Variants in MPDZ observed in about 807,000 individuals in gnomAD.
MPDZ encodes multiple PDZ domain crumbs cell polarity complex component, also known as multiple PDZ domain protein.
MPDZ carries 234 observed loss-of-function variants against 239.1 expected under a neutral mutation model. That is an observed-to-expected ratio of 0.98 (90% CI 0.88 to 1.09). The LOEUF (loss-of-function observed/expected upper bound fraction) is 1.09, where lower values mean the gene tolerates loss of function less well. Among genes scored for constraint, MPDZ ranks in the 50% least tolerant of loss-of-function variants. The pLI is 0.00. For synonymous variants in MPDZ, 1,048 were observed against 881.3 expected, an observed-to-expected ratio of 1.19 and a Z score of -3.35; for missense variants, 3,175 against 2,510.0, an observed-to-expected ratio of 1.26 and a Z score of -5.66.
intron 16 of MPDZ, among the ~76,000 whole-genome samples, chr9:13,189,547 G>A (rs558604143): frequency 1.3e-5 from 2 of 152,128 alleles, no homozygotes; most frequent in South Asian, 4.2e-4. Context: ...CAACTTCCTG[G>A]AGTCATCCAA....
intron 26 of MPDZ, among the ~76,000 whole-genome samples, chr9:13,144,469 C>T (rs970052330): frequency 2.6e-5 from 4 of 151,900 alleles, no homozygotes; most frequent in African/African-American, 7.3e-5. Context: ...TTTTCACACC[C>T]GCTATCTTTT....
chr9:13,265,851 C>G (rs1971684638), intron 1 of MPDZ, among the ~76,000 whole-genome samples: 1 of 152,094 alleles, frequency 6.6e-6, no homozygotes, highest in Non-Finnish European at 1.5e-5. Context: ...ATTTCCAATA[C>G]AGACAAAACT....
At chr9:13,278,137 G>A (rs1212718009) in intron 1 of MPDZ, among the ~76,000 whole-genome samples, 4 of 152,164 alleles carry the variant, frequency 2.6e-5, no homozygotes, top group African/African-American at 9.6e-5. Context: ...TGTCTACAAG[G>A]CAGGACGAGG....
chr9:13,147,489 T>C (rs1252210140), intron 26 of MPDZ, 59 bp downstream of exon 26: 1 of 1,315,034 alleles, frequency 7.6e-7, no homozygotes, highest in Non-Finnish European at 1.1e-6. Flanking sequence ...CCTTGATACA[T>C]TAGATTCCAA....
chr9:13,143,336 CTTTG>C (rs1280350622), intron 27 of MPDZ, 126 bp downstream of exon 27: 2 of 681,850 alleles, frequency 2.9e-6, no homozygotes, highest in Non-Finnish European at 2.5e-6. Context: ...CTCCAAACAG[CTTTG>C]TTTTTTTGTT....
At position 13,221,423 on chromosome 9, in the gene MPDZ, T is replaced by C. The variant is rs1959080398; in HGVS notation, c.825A>G (p.Lys275=). Residue 275 remains lysine, a synonymous_variant, in exon 7 of 47, where the codon AAA becomes AAG. Transcript: ENST00000319217. ...SGLGFGIIGG[K]ATGVIVKTIL... is the part of the protein sequence containing the mutation. The stretch of plus-strand genomic sequence containing the variant: ...TGGTTTTTACTATCACACCAGTTGC[T>C]TTTCCTCCTATGATGCCAAATCCCA... 5 of 1,611,380 alleles carry C rather than the reference T, an allele frequency of 3.1e-6. No homozygotes were observed. The highest frequency in any genetic ancestry group is 4.2e-6 in the Non-Finnish European group (5 of 1,178,362).
chr9:13,238,561 CAT>C (rs1337283195), intron 3 of MPDZ, among the ~76,000 whole-genome samples: 1 of 152,156 alleles, frequency 6.6e-6, no homozygotes, highest in Non-Finnish European at 1.5e-5. Flanking sequence ...AACCCACCCA[CAT>C]GTGTCCGTGT....
At chr9:13,156,343 G>A (rs1364070602) in intron 24 of MPDZ, among the ~76,000 whole-genome samples, 1 of 152,158 alleles carries the variant, frequency 6.6e-6, no homozygotes, top group East Asian at 1.9e-4. Flanking sequence ...TCATGCTGCT[G>A]ATAAAGAAAT....
intron 43 of MPDZ, 114 bp downstream of exon 43, chr9:13,111,910 A>G (rs1270941150): frequency 1.2e-5 from 12 of 1,031,418 alleles, no homozygotes; most frequent in Non-Finnish European, 1.6e-5. Context: ...TAGATGATTT[A>G]AAAGTAAATA....
Position 13,112,036 on chromosome 9 carries a change from G to C in MPDZ, c.5712C>G (p.Thr1904=), listed in dbSNP as rs751143732. 1.2e-6 allele frequency: 2 copies of C among 1,613,250 alleles called. No individual in the cohort carries two copies. Among genetic ancestry groups the C allele is most frequent in the Non-Finnish European group, 1.7e-6 (2 of 1,179,518 alleles). Reference sequence around the variant, plus strand: ...TAGTACGACTCACTCTGAGTTTTTGGGTCTGTGCTGCAACTCCAGTTGGGT... The same window carrying C: ...TAGTACGACTCACTCTGAGTTTTTGCGTCTGTGCTGCAACTCCAGTTGGGT... The part of the protein sequence containing the change: ...MMHPTGVAAQ[T]QKLRVGDRIV... The change falls in exon 43 of 47, where the codon ACC becomes ACG. Residue 1904 remains threonine, a synonymous_variant. Coordinates refer to ENST00000319217, the MANE Select transcript of MPDZ (RefSeq NM_001378778.1).
intron 19 of MPDZ, among the ~76,000 whole-genome samples, chr9:13,177,864 T>C (rs1952712557): frequency 6.6e-6 from 1 of 152,184 alleles, no homozygotes; most frequent in Non-Finnish European, 1.5e-5. Context: ...TGCCCAATAA[T>C]TGTTAGCTAC....
chr9:13,275,020 C>G (rs73408267), intron 1 of MPDZ, among the ~76,000 whole-genome samples: 58 of 152,322 alleles, frequency 3.8e-4, no homozygotes, highest in African/African-American at 1.4e-3. Context: ...GGCCTCAGGC[C>G]AAAGATAAAA....
chr9:13,249,792 G>A (rs1321910439), intron 2 of MPDZ, among the ~76,000 whole-genome samples: 2 of 152,150 alleles, frequency 1.3e-5, no homozygotes, highest in African/African-American at 4.8e-5. Flanking sequence ...ATTAACACAT[G>A]AGTCTGGGAA....
chr9:13,235,777 T>C (rs1183983260), intron 3 of MPDZ, among the ~76,000 whole-genome samples: 1 of 152,162 alleles, frequency 6.6e-6, no homozygotes, highest in Non-Finnish European at 1.5e-5. Flanking sequence ...ATATTTGTCT[T>C]AAAATTCCCT....
chr9:13,195,449 A>G (rs772089873), intron 13 of MPDZ, among the ~76,000 whole-genome samples: 22 of 152,216 alleles, frequency 1.4e-4, no homozygotes, highest in Non-Finnish European at 2.9e-4. Context: ...TATAAATATT[A>G]CAAGAAATAT....
chr9:13,141,194 C>T (rs1227002996), intron 27 of MPDZ, among the ~76,000 whole-genome samples: 3 of 151,662 alleles, frequency 2.0e-5, no homozygotes, highest in Admixed American at 6.6e-5. Context: ...TTTGCACTAA[C>T]CTAATGTTAC....
At chr9:13,278,852 G>A (rs1055816207) in intron 1 of MPDZ, among the ~76,000 whole-genome samples, 1 of 151,904 alleles carries the variant, frequency 6.6e-6, no homozygotes, top group African/African-American at 2.4e-5. Flanking sequence ...CGCACATCCC[G>A]GGACCACGTA....
In MPDZ at chr9:13,276,327, T is replaced by A. The variant is rs190016634; in HGVS notation, c.-58+3073A>T. Among the ~76,000 whole-genome samples the A allele has an allele frequency of 1.8e-3, 280 of 152,312 alleles. 3 individuals carry two copies. The highest frequency in any genetic ancestry group is 2.9e-3 in the Non-Finnish European group (197 of 68,026). On this transcript the variant is annotated intron_variant, in intron 1 of 46. Coordinates refer to ENST00000319217, the MANE Select transcript of MPDZ (RefSeq NM_001378778.1). The stretch of plus-strand genomic sequence containing the variant: ...CTTAGTCTTATTCTCCCACATGGAA[T>A]CCCACTAAAATTATTTAATCACAGT...
chr9:13,221,574 T>C, intron 6 of MPDZ, 74 bp from the exon 7 acceptor site: 2 of 1,505,744 alleles, frequency 1.3e-6, no homozygotes, highest in Non-Finnish European at 1.8e-6. Context: ...GTAGAAATTT[T>C]TGCGATTATT....
Sources: gnomAD v4.1 joint callset for allele counts (sites outside exome capture counted in the v4.1 genomes callset) on GRCh38, gnomAD v4.1.1 for gene constraint, MANE v1.5 for transcripts, NCBI Gene and HGNC (gene_info 2026-07-23, HGNC 2026-07-21) for gene names.